Variants in DNAJC13 observed in about 807,000 individuals in gnomAD.
DNAJC13 encodes DnaJ heat shock protein family (Hsp40) member C13, also known as dnaJ homolog subfamily C member 13.
A neutral mutation model predicts 290.5 loss-of-function variants in DNAJC13; 75 were observed. The ratio of observed to expected loss-of-function variants is 0.26; its 90% CI spans 0.21 to 0.31. DNAJC13 has a LOEUF of 0.31. DNAJC13 is among the 10% of genes least tolerant of loss of function. DNAJC13 has a pLI of 1.00. For missense variants in DNAJC13, 2,260 were observed against 2,674.5 expected (o/e 0.85, Z 3.42); for synonymous variants, 862 against 892.0 (o/e 0.97, Z 0.60).
chr3:132,476,861 A>T (rs1275746068), intron 22 of DNAJC13, among the ~76,000 whole-genome samples: 1 of 152,204 alleles, frequency 6.6e-6, no homozygotes, highest in African/African-American at 2.4e-5. Context: ...TACCTTGTTT[A>T]AAAATGCAGC....
Position 132,479,233 on chromosome 3 carries a change from G to A in DNAJC13, c.2716G>A (p.Asp906Asn). 1 of 1,605,630 alleles carries A rather than the reference G, an allele frequency of 6.2e-7. No individual in the cohort carries two copies. Among genetic ancestry groups the A allele is most frequent in the South Asian group, 1.1e-5 (1 of 90,784 alleles). Residue 906 changes from aspartate (D) to asparagine (N), a missense_variant, in exon 25 of 56, where the codon GAT (aspartate) becomes AAT (asparagine). Around this residue, in one of 3 missense-constraint regions of DNAJC13, gnomAD observed 1,494 missense variants for 1,693.7 expected, o/e 0.88. Coordinates refer to ENST00000260818, the MANE Select transcript of DNAJC13 (RefSeq NM_015268.4). ...TTCTCATTTATTTCAATAGTGCACA[G>A]ATAAACTTGAACGAGATAGGTTGAT... is the stretch of plus-strand genomic sequence containing the variant. ...YIIGMLERCT[D>N]KLERDRLILF...
At chr3:132,505,457 A>G (rs1389234421) in intron 42 of DNAJC13, 42 bp downstream of exon 42, 1 of 1,298,770 alleles carries the variant, frequency 7.7e-7, no homozygotes, top group Admixed American at 1.9e-5. Context: ...ATTTATTCTG[A>G]TGGAATCTCT....
chr3:132,525,779 C>G lies in DNAJC13; in HGVS notation c.6230C>G (p.Ser2077Cys). The G allele has an allele frequency of 6.2e-7, 1 of 1,613,886 alleles. No homozygotes were observed. Among genetic ancestry groups the G allele is most frequent in the Non-Finnish European group, 8.5e-7 (1 of 1,179,906 alleles). Residue 2077 changes from serine to cysteine, a missense_variant, in exon 52 of 56, where the codon TCT becomes TGT. Physicochemically the swap from Ser to Cys is moderately radical, Grantham distance 112 (BLOSUM62 -1). Coordinates refer to ENST00000260818, the MANE Select transcript of DNAJC13 (RefSeq NM_015268.4). ...KSAIRVIHAL[S>C]ENELCVRAMA... ...GCCATTCGGGTTATCCATGCCTTGT[C>G]TGAAAATGAGGTATTGATGAATACA...
chr3:132,522,892 A>C lies in DNAJC13; in HGVS notation c.5738A>C (p.Glu1913Ala). The change falls in exon 49 of 56, where the codon GAA (glutamate) becomes GCA (alanine). Residue 1913 changes from glutamate (E) to alanine (A), a missense_variant. By Grantham distance (107) the Glu-to-Ala change is moderately radical. Transcript: ENST00000260818. The stretch of plus-strand genomic sequence containing the variant: ...ATGGATGCTATGAGAGACAATCCTG[A>C]AGCTGCTGTACATATTTTTGAAGGA... ...VFMDAMRDNP[E>A]AAVHIFEGTH... 6.2e-7 allele frequency: 1 copy of C among 1,613,602 alleles called. No homozygotes were observed. Among genetic ancestry groups the C allele is most frequent in the Non-Finnish European group, 8.5e-7 (1 of 1,179,768 alleles).
intron 40 of DNAJC13, 91 bp downstream of exon 40, chr3:132,502,559 C>T: frequency 1.5e-5 from 18 of 1,161,698 alleles, no homozygotes; most frequent in Non-Finnish European, 2.0e-5. Flanking sequence ...TCCAGAGTCC[C>T]CAGAGATAAA....
rs145828347 is a variant in DNAJC13, at chr3:132,435,448, G to C, written c.68+830G>C. ...TCTTCTCTCAACTTTTCATTTTTTA[G>C]TCACTGGAGTGGTAACTTCTTAGGA... On this transcript the variant is annotated intron_variant, in intron 2 of 55. Coordinates refer to ENST00000260818, the MANE Select transcript of DNAJC13 (RefSeq NM_015268.4). 2.3e-3 allele frequency among the ~76,000 whole-genome samples: 351 copies of C among 152,276 alleles called. 1 individual carries two copies. Among genetic ancestry groups the C allele is most frequent in the African/African-American group, 8.1e-3 (336 of 41,562 alleles).
intron 52 of DNAJC13, 107 bp from the exon 53 acceptor site, chr3:132,526,028 TAAACTG>T: frequency 9.2e-6 from 13 of 1,415,674 alleles, no homozygotes; most frequent in East Asian, 2.5e-5. Flanking sequence ...AATTCATTGT[TAAACTG>T]AAAGTAAGGG....
In DNAJC13 at chr3:132,450,364, T is replaced by C. The variant is rs1168486436; in HGVS notation, c.337-283T>C. Among the ~76,000 whole-genome samples, 3 of 152,112 alleles carry C rather than the reference T, an allele frequency of 2.0e-5. No individual in the cohort carries two copies. The East Asian group carries it at 5.8e-4, about 29-fold the overall frequency. ...ATGTAGGATTTCCTCTTTTTTCTTT[T>C]TATAAATTTACATAGAGTGGCTTAA... On this transcript the variant is annotated intron_variant, in intron 5 of 55. Transcript: ENST00000260818.
At chr3:132,531,150 C>G in intron 55 of DNAJC13, 53 bp downstream of exon 55, 2 of 1,499,942 alleles carry the variant, frequency 1.3e-6, no homozygotes, top group South Asian at 2.3e-5. Flanking sequence ...GCCACTTGGA[C>G]CTTCCTTTTG....
In DNAJC13 at chr3:132,516,508, A is replaced by C; in HGVS notation, c.5560+12A>C. On this transcript the variant is annotated intron_variant, in intron 47 of 55. Transcript: ENST00000260818. ...AGCAATGGCAAAGGGTAATGTATAGAGTGCTTTCTTAGCTAGTCATGTGCA... is the reference window on the plus strand; with the variant it reads ...AGCAATGGCAAAGGGTAATGTATAGCGTGCTTTCTTAGCTAGTCATGTGCA... 6 of 1,613,050 alleles carry C rather than the reference A, an allele frequency of 3.7e-6. No individual in the cohort carries two copies. Among genetic ancestry groups the C allele is most frequent in the Non-Finnish European group, 5.1e-6 (6 of 1,179,214 alleles).
intron 1 of DNAJC13, among the ~76,000 whole-genome samples, chr3:132,420,151 A>T (rs182282217): frequency 1.1e-4 from 16 of 152,358 alleles, no homozygotes; most frequent in Admixed American, 5.2e-4. Flanking sequence ...GCATGATGAA[A>T]GCTGAATGCA....
chr3:132,526,061 T>C (rs180886620), intron 52 of DNAJC13, 80 bp from the exon 53 acceptor site: 21 of 1,522,184 alleles, frequency 1.4e-5, no homozygotes, highest in Non-Finnish European at 1.8e-5. Context: ...TTTTTACTTA[T>C]TTACTTATTT....
At chr3:132,508,530 G>C (rs1455722174) in intron 43 of DNAJC13, among the ~76,000 whole-genome samples, 3 of 152,174 alleles carry the variant, frequency 2.0e-5, no homozygotes, top group Non-Finnish European at 4.4e-5. Context: ...AAAATCCTAG[G>C]AACTTTGAGA....
chr3:132,476,646 T>C (rs1476149381), intron 22 of DNAJC13, among the ~76,000 whole-genome samples: 1 of 152,192 alleles, frequency 6.6e-6, no homozygotes, highest in Non-Finnish European at 1.5e-5. Context: ...GTTTCTTTTA[T>C]CTCATATCCT....
chr3:132,475,148 G>A (rs1188002079), intron 22 of DNAJC13, 63 bp downstream of exon 22: 2 of 1,298,978 alleles, frequency 1.5e-6, no homozygotes, highest in African/African-American at 1.5e-5. Context: ...TTTGGGGAGT[G>A]ATTTTTTTTA....
chr3:132,486,587 C>T (rs1934885529), intron 29 of DNAJC13, among the ~76,000 whole-genome samples: 1 of 151,910 alleles, frequency 6.6e-6, no homozygotes, highest in Non-Finnish European at 1.5e-5. Flanking sequence ...GTGTGTGACT[C>T]CTATTTTTTT....
chr3:132,491,080 T>A, intron 32 of DNAJC13, 29 bp downstream of exon 32: 1 of 1,551,866 alleles, frequency 6.4e-7, no homozygotes, highest in Non-Finnish European at 8.7e-7. Flanking sequence ...GATTGATTTG[T>A]ATTTTATAAT....
chr3:132,468,072 A>G (rs1934061599), intron 20 of DNAJC13, among the ~76,000 whole-genome samples: 1 of 152,310 alleles, frequency 6.6e-6, no homozygotes, highest in East Asian at 1.9e-4. Context: ...GCGTACTTAA[A>G]TTTTGTAATA....
chr3:132,454,840 ACT>A (rs1447104976), intron 9 of DNAJC13, among the ~76,000 whole-genome samples: 2 of 151,922 alleles, frequency 1.3e-5, no homozygotes, highest in Admixed American at 1.3e-4. Flanking sequence ...GGATCTTAAC[ACT>A]CTGTTTGTGA....
Sources: allele counts gnomAD v4.1 joint callset (sites outside exome capture counted in the v4.1 genomes callset), GRCh38; gene constraint gnomAD v4.1.1; regional missense constraint gnomAD v4.1.1; transcripts MANE v1.5; gene names NCBI Gene and HGNC (gene_info 2026-07-23, HGNC 2026-07-21).